Variants in ATG10 observed in about 807,000 individuals in gnomAD.
ATG10 encodes the protein ubiquitin-like-conjugating enzyme ATG10.
ATG10 carries 30 observed loss-of-function variants against 32.1 expected under a neutral mutation model. That is an observed-to-expected ratio of 0.94 (90% CI 0.70 to 1.27). The LOEUF is 1.27. Ranked by LOEUF, ATG10 falls within the 50% of genes most tolerant of loss-of-function variation. The pLI, the probability that ATG10 is intolerant of heterozygous loss-of-function variation, is 0.00. For missense variants in ATG10, 233 were observed against 262.3 expected (o/e 0.89, Z 0.77); for synonymous variants, 87 against 91.5 (o/e 0.95, Z 0.28).
In ATG10 at chr5:82,129,842, C is replaced by T. The variant is rs533871006; in HGVS notation, c.217-34557C>T. On this transcript the variant is annotated intron_variant, in intron 3 of 7. Transcript: ENST00000282185. ...GGGGTCAGGGAGCCACTTGAGGAGG[C>T]GGTCTGTCCCTTGGCAGAGCTCAAG... 1.9e-4 allele frequency among the ~76,000 whole-genome samples: 29 copies of T among 152,198 alleles called. No individual in the cohort carries two copies. The East Asian group carries it at 2.5e-3, about 13-fold the overall frequency.
chr5:82,014,972 T>C (rs1762239380), intron 2 of ATG10, among the ~76,000 whole-genome samples: 2 of 152,198 alleles, frequency 1.3e-5, no homozygotes, highest in South Asian at 4.1e-4. Flanking sequence ...GTACCGGTTG[T>C]TCCTTTCCAT....
intron 5 of ATG10, among the ~76,000 whole-genome samples, chr5:82,208,071 T>C (rs965302368): frequency 6.6e-6 from 1 of 152,244 alleles, no homozygotes; most frequent in African/African-American, 2.4e-5. Flanking sequence ...GCACTATTTA[T>C]GAAAAAGATT....
chr5:82,253,194 G>T lies in ATG10; in HGVS notation c.552-120G>T, dbSNP rs1747331432. 5 of 697,298 alleles carry T rather than the reference G, an allele frequency of 7.2e-6. No homozygotes were observed. In the East Asian group the frequency reaches 1.0e-4, roughly 14 times the overall value. The allele number at this position is 697,298 out of a possible 1,614,324, so 43.2% of individuals were successfully genotyped here. On this transcript the variant is annotated intron_variant, in intron 6 of 7. Coordinates refer to ENST00000282185, the MANE Select transcript of ATG10 (RefSeq NM_031482.5). Reference sequence around the variant, plus strand: ...GAAATGCTGAGATTCCAGGTGGTAGGTACAAATCTTTGAAGAAAGCCTCAC... The same window carrying T: ...GAAATGCTGAGATTCCAGGTGGTAGTTACAAATCTTTGAAGAAAGCCTCAC...
intron 3 of ATG10, among the ~76,000 whole-genome samples, chr5:82,156,553 C>A (rs1248017284): frequency 6.6e-6 from 1 of 152,130 alleles, no homozygotes; most frequent in Non-Finnish European, 1.5e-5. Context: ...GGCCTTCCTC[C>A]TAGAGCAGAG....
intron 3 of ATG10, among the ~76,000 whole-genome samples, chr5:82,108,234 T>G (rs2149811102): frequency 6.6e-6 from 1 of 152,146 alleles, no homozygotes; most frequent in African/African-American, 2.4e-5. Context: ...ATTTTTATAC[T>G]AGGTAAGGTC....
chr5:82,042,042 A>C (rs903562643), intron 2 of ATG10, among the ~76,000 whole-genome samples: 1 of 151,956 alleles, frequency 6.6e-6, no homozygotes, highest in African/African-American at 2.4e-5. Flanking sequence ...TATGATAGCT[A>C]TTTTCATGTC....
chr5:82,131,863 A>T (rs181114367), intron 3 of ATG10, among the ~76,000 whole-genome samples: 119 of 152,228 alleles, frequency 7.8e-4, no homozygotes, highest in Non-Finnish European at 1.2e-3. Flanking sequence ...GCATCCTGGC[A>T]TCTGCTTCTG....
At chr5:82,080,715 G>T (rs1764449366) in intron 3 of ATG10, among the ~76,000 whole-genome samples, 1 of 152,110 alleles carries the variant, frequency 6.6e-6, no homozygotes, top group African/African-American at 2.4e-5. Flanking sequence ...CTGTTCCATT[G>T]GTCTATATCT....
At chr5:82,251,920 G>T (rs904829753) in intron 5 of ATG10, among the ~76,000 whole-genome samples, 2 of 152,134 alleles carry the variant, frequency 1.3e-5, no homozygotes, top group Non-Finnish European at 2.9e-5. Flanking sequence ...AAACAGCCCT[G>T]TAGGCTTGGG....
intron 5 of ATG10, among the ~76,000 whole-genome samples, chr5:82,193,184 C>A (rs1404571971): frequency 1.3e-5 from 2 of 152,166 alleles, no homozygotes; most frequent in African/African-American, 4.8e-5. Context: ...TGGGCCTGTA[C>A]CTAAACCTAC....
At chr5:82,157,972 GAA>G (rs1767873433) in intron 3 of ATG10, among the ~76,000 whole-genome samples, 1 of 152,170 alleles carries the variant, frequency 6.6e-6, no homozygotes, top group African/African-American at 2.4e-5. Flanking sequence ...AGTGATAGAA[GAA>G]AAGTTTTTCT....
chr5:82,071,110 T>C (rs1764118041), intron 3 of ATG10, among the ~76,000 whole-genome samples: 1 of 152,152 alleles, frequency 6.6e-6, no homozygotes, highest in Non-Finnish European at 1.5e-5. Flanking sequence ...ACATCTCCCC[T>C]AACTCAGAGT....
intron 5 of ATG10, among the ~76,000 whole-genome samples, chr5:82,204,312 C>A (rs1745197960): frequency 6.6e-6 from 1 of 152,108 alleles, no homozygotes; most frequent in African/African-American, 2.4e-5. Flanking sequence ...CAATGAAGAG[C>A]AAAAGCAGAC....
At chr5:82,214,527 ATTT>A (rs895104883) in intron 5 of ATG10, among the ~76,000 whole-genome samples, 21 of 152,322 alleles carry the variant, frequency 1.4e-4, no homozygotes, top group Admixed American at 9.8e-4. Context: ...TAGGATGAAG[ATTT>A]TTTTAATATA....
chr5:82,182,663 A>G (rs1373722975), intron 5 of ATG10, among the ~76,000 whole-genome samples: 1 of 152,148 alleles, frequency 6.6e-6, no homozygotes, highest in Non-Finnish European at 1.5e-5. Flanking sequence ...CATTTTTGAA[A>G]TGACAAAATC....
At chr5:82,178,642 C>T (rs765670181) in intron 5 of ATG10, 55 bp downstream of exon 5, 4 of 1,151,228 alleles carry the variant, frequency 3.5e-6, no homozygotes, top group Non-Finnish European at 5.2e-6. Flanking sequence ...TTTCCCGCTG[C>T]TCATCTTTTC....
At chr5:82,197,764 A>C (rs868084102) in intron 5 of ATG10, among the ~76,000 whole-genome samples, 4 of 147,122 alleles carry the variant, frequency 2.7e-5, no homozygotes. Context: ...CTATCTATCT[A>C]TCTATCTATC....
At chr5:82,046,842 T>C (rs1270003127) in intron 2 of ATG10, among the ~76,000 whole-genome samples, 1 of 152,210 alleles carries the variant, frequency 6.6e-6, no homozygotes, top group Non-Finnish European at 1.5e-5. Context: ...TAAAATTACT[T>C]TAATCTCTTA....
chr5:82,072,100 A>G (rs1377292993), intron 3 of ATG10, among the ~76,000 whole-genome samples: 3 of 152,146 alleles, frequency 2.0e-5, no homozygotes, highest in African/African-American at 7.2e-5. Flanking sequence ...ACTTCTTTGC[A>G]GTTGATGGAT....
Sources: gnomAD v4.1 joint callset for allele counts (sites outside exome capture counted in the v4.1 genomes callset) on GRCh38, gnomAD v4.1.1 for gene constraint, MANE v1.5 for transcripts, NCBI Gene and HGNC (gene_info 2026-07-23, HGNC 2026-07-21) for gene names.